MTMR12: variants seen among roughly 807,000 people sequenced by gnomAD.
MTMR12 encodes the protein myotubularin-related protein 12.
A neutral mutation model predicts 96.7 loss-of-function variants in MTMR12; 33 were observed. The observed-to-expected ratio is 0.34, with a 90% CI of 0.26 to 0.46. The LOEUF (loss-of-function observed/expected upper bound fraction) is 0.46, where lower values mean the gene tolerates loss of function less well. Ranked by LOEUF, MTMR12 falls within the 20% of genes least tolerant of loss-of-function variation. MTMR12 has a pLI of 1.00. For missense variants in MTMR12, 721 were observed against 896.1 expected, an observed-to-expected ratio of 0.80 and a Z score of 2.49; for synonymous variants, 298 against 327.2, an observed-to-expected ratio of 0.91 and a Z score of 0.96.
chr5:32,297,101 TA>T (rs762533446), intron 1 of MTMR12, among the ~76,000 whole-genome samples: 6,784 of 126,586 alleles, frequency 0.054, 257 homozygotes, highest in African/African-American at 0.12. Flanking sequence ...AGACTCCGTC[TA>T]AAAAAAAAAA....
At chr5:32,245,451 T>C (rs1748641840) in intron 10 of MTMR12, among the ~76,000 whole-genome samples, 1 of 152,200 alleles carries the variant, frequency 6.6e-6, no homozygotes, top group Non-Finnish European at 1.5e-5. Flanking sequence ...CCTTGTTTGA[T>C]AGGAGGAATG....
At chr5:32,305,869 C>G (rs1489191412) in intron 1 of MTMR12, among the ~76,000 whole-genome samples, 1 of 151,058 alleles carries the variant, frequency 6.6e-6, no homozygotes, top group South Asian at 2.1e-4. Context: ...CGCCATTGCA[C>G]TCCAGCCTGG....
intron 13 of MTMR12, among the ~76,000 whole-genome samples, chr5:32,236,921 T>C (rs1003623960): frequency 2.6e-5 from 4 of 152,292 alleles, no homozygotes; most frequent in Middle Eastern, 3.4e-3. Flanking sequence ...CTGCCTCCCA[T>C]GTTATGTAAA....
At chr5:32,303,307 T>C (rs76232562) in intron 1 of MTMR12, among the ~76,000 whole-genome samples, 2,337 of 152,300 alleles carry the variant, frequency 0.015, 31 homozygotes, top group Non-Finnish European at 0.024. Context: ...GAAGAGCTAC[T>C]GACAAGCTCT....
intron 10 of MTMR12, 187 bp downstream of exon 10, chr5:32,247,815 A>G: frequency 1.0e-6 from 1 of 983,918 alleles, no homozygotes. Flanking sequence ...CGGGGAGGGA[A>G]AGCCTGGAGA....
intron 1 of MTMR12, among the ~76,000 whole-genome samples, chr5:32,280,660 A>G (rs1365844669): frequency 6.6e-6 from 1 of 152,166 alleles, no homozygotes; most frequent in Non-Finnish European, 1.5e-5. Flanking sequence ...TTCTCTGTGC[A>G]TGTACTAAAA....
At chr5:32,253,957 G>A (rs1042952757) in intron 8 of MTMR12, among the ~76,000 whole-genome samples, 1 of 152,202 alleles carries the variant, frequency 6.6e-6, no homozygotes, top group East Asian at 1.9e-4. Flanking sequence ...AATGCCTCAG[G>A]CTCCTCACTC....
intron 1 of MTMR12, among the ~76,000 whole-genome samples, chr5:32,310,173 A>T (rs1410227201): frequency 2.6e-5 from 4 of 152,202 alleles, no homozygotes. Flanking sequence ...AAAATTAGCC[A>T]GGTGCTCTGG....
chr5:32,270,808 A>G lies in MTMR12; in HGVS notation c.489+9T>C, dbSNP rs1469412597. The stretch of plus-strand genomic sequence containing the variant: ...GAAATAAAACCTAAAAACACATGCA[A>G]CTAGTTACCCTTTTGACTTCCTCTT... On this transcript the variant is annotated intron_variant, in intron 5 of 15. Transcript: ENST00000382142. 6.3e-7 allele frequency: 1 copy of G among 1,599,566 alleles called. No homozygotes were observed. The highest frequency in any genetic ancestry group is 1.4e-5 in the African/African-American group (1 of 74,038).
intron 4 of MTMR12, among the ~76,000 whole-genome samples, chr5:32,271,474 T>C (rs940999699): frequency 7.2e-5 from 11 of 152,206 alleles, no homozygotes; most frequent in African/African-American, 2.7e-4. Flanking sequence ...GAGGCTTGTT[T>C]AGTCAGCAGA....
Position 32,237,698 on chromosome 5 carries a change from G to T in MTMR12, c.1344+1303C>A, listed in dbSNP as rs575776320. Among the ~76,000 whole-genome samples the T allele has an allele frequency of 2.2e-3, 337 of 152,060 alleles. 3 individuals carry two copies. The highest frequency in any genetic ancestry group is 3.8e-3 in the Non-Finnish European group (255 of 67,962). On this transcript the variant is annotated intron_variant, in intron 13 of 15. Transcript: ENST00000382142. ...GCTAATTTTTTGTATTTTTAGTAGA[G>T]ACGGGGTTTCACCGTGTTAGCCAGG... is the stretch of plus-strand genomic sequence containing the variant.
intron 13 of MTMR12, among the ~76,000 whole-genome samples, chr5:32,236,917 C>A (rs1483871651): frequency 1.3e-5 from 2 of 152,200 alleles, no homozygotes; most frequent in African/African-American, 4.8e-5. Context: ...CTCTCTGCCT[C>A]CCATGTTATG....
At chr5:32,288,532 T>C (rs1238838756) in intron 1 of MTMR12, among the ~76,000 whole-genome samples, 1 of 152,196 alleles carries the variant, frequency 6.6e-6, no homozygotes, top group Non-Finnish European at 1.5e-5. Context: ...TGAGGTGCGC[T>C]ACACTTGAAA....
At chr5:32,311,039 A>C (rs1268749655) in intron 1 of MTMR12, among the ~76,000 whole-genome samples, 2 of 151,980 alleles carry the variant, frequency 1.3e-5, no homozygotes, top group Non-Finnish European at 2.9e-5. Context: ...ATGCCTGGCT[A>C]ATTTTAGGGT....
intron 10 of MTMR12, among the ~76,000 whole-genome samples, chr5:32,243,802 T>C (rs779615055): frequency 1.6e-4 from 25 of 152,142 alleles, no homozygotes; most frequent in Non-Finnish European, 2.9e-4. Context: ...CCCTAGAAGA[T>C]TGTGGTGGTC....
At position 32,228,178 on chromosome 5, in the gene MTMR12, T is replaced by C. The variant is rs1172554601; in HGVS notation, c.*1600A>G. On this transcript the variant is annotated 3_prime_UTR_variant, in exon 16 of 16. Transcript: ENST00000382142. ...ACCCAGCTAATTTTTGTATTTTTAG[T>C]AGAGACAGGGTTTTGCCATGTTGCC... The C allele has an allele frequency of 3.3e-5, 5 of 152,088 alleles. No individual in the cohort carries two copies. The highest frequency in any genetic ancestry group is 7.3e-5 in the Non-Finnish European group (5 of 68,066). 9.4% of individuals were successfully genotyped at this position (152,088 alleles called of 1,614,324 possible). A position where few individuals can be genotyped will look rare whatever the true frequency, so the allele number is the denominator to read the frequency against.
chr5:32,268,640 C>T, intron 6 of MTMR12, 61 bp downstream of exon 6: 2 of 1,405,992 alleles, frequency 1.4e-6, no homozygotes, highest in East Asian at 4.6e-5. Context: ...CCCCCACTGG[C>T]TTCAGGTGGG....
chr5:32,303,252 A>G (rs1751218728), intron 1 of MTMR12, among the ~76,000 whole-genome samples: 1 of 152,242 alleles, frequency 6.6e-6, no homozygotes, highest in South Asian at 2.1e-4. Flanking sequence ...TTTTCGAGGT[A>G]GAAATATAAC....
chr5:32,270,893 T>C lies in MTMR12; in HGVS notation c.413A>G (p.Lys138Arg). 1.2e-6 allele frequency: 2 copies of C among 1,614,102 alleles called. No homozygotes were observed. The highest frequency in any genetic ancestry group is 1.7e-6 in the Non-Finnish European group (2 of 1,179,952). The change falls in exon 5 of 16, where the codon AAG becomes AGG. Residue 138 changes from lysine to arginine, a missense_variant. Physicochemically the swap from Lys to Arg is conservative, Grantham distance 26. Coordinates refer to ENST00000382142, the MANE Select transcript of MTMR12 (RefSeq NM_001040446.3). ...LFGQLKKYPE[K>R]LIIHCKDLRV... ...AAGGTCTTTGCAGTGGATGATGAGC[T>C]TCTCAGGGTATTTCTTCAGTTGTCC...
Sources: allele counts gnomAD v4.1 joint callset (sites outside exome capture counted in the v4.1 genomes callset), GRCh38; gene constraint gnomAD v4.1.1; transcripts MANE v1.5; gene names NCBI Gene and HGNC (gene_info 2026-07-23, HGNC 2026-07-21).